Variants in ERVMER34-1 observed in about 807,000 individuals in gnomAD.
ERVMER34-1 encodes endogenous retroviral envelope protein HEMO.
For synonymous variants in ERVMER34-1, 199 were observed against 111.7 expected, an observed-to-expected ratio of 1.78 and a Z score of -4.93; for missense variants, 471 against 295.1, an observed-to-expected ratio of 1.60 and a Z score of -4.37.
intron 2 of ERVMER34-1, among the ~76,000 whole-genome samples, chr4:52,746,449 A>G (rs1038023327): frequency 9.9e-5 from 15 of 152,248 alleles, no homozygotes; most frequent in Admixed American, 2.6e-4. Context: ...AGGATTGAGT[A>G]TAGTAGGGGG....
rs1716072714 is a variant in ERVMER34-1 at position 52,743,861 on chromosome 4, T to C, written c.1660A>G (p.Thr554Ala). The change falls in exon 3 of 3, where the codon ACA (threonine) becomes GCA (alanine). Residue 554 changes from threonine (T) to alanine (A), a missense_variant. Transcript: ENST00000443173. ...QVSNRAMKGLTTHQYDTSLL is the reference protein window; with the variant it reads ...QVSNRAMKGLATHQYDTSLL Reference sequence around the variant, plus strand: ...AGACTTGTGTCATATTGATGGGTTGTTAGTCCCTTCATTGCCCTATTTGAA... The same window carrying C: ...AGACTTGTGTCATATTGATGGGTTGCTAGTCCCTTCATTGCCCTATTTGAA... The C allele has an allele frequency of 6.6e-7, 1 of 1,520,582 alleles. No individual in the cohort carries two copies. 94.2% of individuals were successfully genotyped at this position (1,520,582 alleles called of 1,614,324 possible). A position where few individuals can be genotyped will look rare whatever the true frequency, so the allele number is the denominator to read the frequency against.
chr4:52,747,177 C>A (rs1316728620), intron 2 of ERVMER34-1, among the ~76,000 whole-genome samples: 1 of 151,898 alleles, frequency 6.6e-6, no homozygotes, highest in Non-Finnish European at 1.5e-5. Context: ...TCCAGTGACC[C>A]AAGATCACGC....
rs1312438931 is a variant in ERVMER34-1 at position 52,744,672 on chromosome 4, G to A, written c.849C>T (p.Leu283=). 7.1e-6 allele frequency: 5 copies of A among 704,138 alleles called. No individual in the cohort carries two copies. The highest frequency in any genetic ancestry group is 1.7e-5 in the African/African-American group (1 of 57,382). 43.6% of individuals were successfully genotyped at this position (704,138 alleles called of 1,614,324 possible). ...CAGACAAGGTCAGATTGGAACCTGT[G>A]AGCCACCAGGTGGGGGTCCGGTGTC... ...HDGHRTPTWW[L]TGSNLTLSVN... Residue 283 remains leucine (L), a synonymous_variant, in exon 3 of 3, where the codon CTC becomes CTT. Transcript: ENST00000443173.
At position 52,743,794 on chromosome 4, in the gene ERVMER34-1, C is replaced by T; in HGVS notation, c.*35G>A. Reference sequence around the variant, plus strand: ...TTTACTCATCAAAGTTTAGCTAAGGCTTTTTGTCTGCAGCTGCTGTTTGTT... The same window carrying T: ...TTTACTCATCAAAGTTTAGCTAAGGTTTTTTGTCTGCAGCTGCTGTTTGTT... On this transcript the variant is annotated 3_prime_UTR_variant, in exon 3 of 3. Transcript: ENST00000443173. The T allele has an allele frequency of 6.9e-7, 1 of 1,449,140 alleles. No homozygotes were observed. The highest frequency in any genetic ancestry group is 9.0e-7 in the Non-Finnish European group (1 of 1,106,922). 89.8% of individuals were successfully genotyped at this position (1,449,140 alleles called of 1,614,324 possible). A position where few individuals can be genotyped will look rare whatever the true frequency, so the allele number is the denominator to read the frequency against.
At chr4:52,746,247 T>C (rs1430779915) in intron 2 of ERVMER34-1, among the ~76,000 whole-genome samples, 2 of 152,188 alleles carry the variant, frequency 1.3e-5, no homozygotes, top group African/African-American at 4.8e-5. Context: ...CTGGAACCCC[T>C]GGCCTCAACT....
rs1577732795 is a variant in ERVMER34-1, at chr4:52,744,406, A to C, written c.1115T>G (p.Ile372Arg). The change falls in exon 3 of 3, where the codon ATA (isoleucine) becomes AGA (arginine). Residue 372 changes from isoleucine to arginine, a missense_variant. Physicochemically the swap from Ile to Arg is moderately conservative, Grantham distance 97. Coordinates refer to ENST00000443173, the MANE Select transcript of ERVMER34-1 (RefSeq NM_001242690.2). ...TCCCAAACTTGGAAAAAGGGCCCTT[A>C]TTGTTGAATTGTCCTTGGGGTTGCA... ...LYCNPKDNST[I>R]RALFPSLGTY... 7 of 703,938 alleles carry C rather than the reference A, an allele frequency of 9.9e-6. No homozygotes were observed. The East Asian group carries it at 1.9e-4, about 19-fold the overall frequency. The allele number at this position is 703,938 out of a possible 1,614,324, so 43.6% of individuals were successfully genotyped here. A position where few individuals can be genotyped will look rare whatever the true frequency, so the allele number is the denominator to read the frequency against.
intron 2 of ERVMER34-1, among the ~76,000 whole-genome samples, chr4:52,749,329 TA>T (rs544446617): frequency 9.0e-4 from 137 of 152,306 alleles, no homozygotes; most frequent in African/African-American, 3.1e-3. Flanking sequence ...TACAGTTCCA[TA>T]AAAGAGTGCC....
chr4:52,749,664 G>A (rs551196969), intron 2 of ERVMER34-1, among the ~76,000 whole-genome samples: 11 of 152,154 alleles, frequency 7.2e-5, no homozygotes, highest in African/African-American at 2.2e-4. Flanking sequence ...ATTAGCCAGC[G>A]TGGTGGCTTG....
rs182364054 is a variant in ERVMER34-1 at position 52,745,503 on chromosome 4, G to C, written c.18C>G (p.Asn6Lys). ...TAAGGGTTAGTTGAAGCAGGGCATA[G>C]TTTGAAAGGGAGCCCATAGTGGAGG... MGSLS[N>K]YALLQLTLTA... The change falls in exon 3 of 3, where the codon AAC becomes AAG. Residue 6 changes from asparagine (N) to lysine (K), a missense_variant. Coordinates refer to ENST00000443173, the MANE Select transcript of ERVMER34-1 (RefSeq NM_001242690.2). 2.8e-6 allele frequency: 2 copies of C among 703,818 alleles called. No individual in the cohort carries two copies. Among genetic ancestry groups the C allele is most frequent in the African/African-American group, 3.5e-5 (2 of 57,242 alleles). 43.6% of individuals were successfully genotyped at this position (703,818 alleles called of 1,614,324 possible).
Position 52,744,711 on chromosome 4 carries a change from GT to G in ERVMER34-1, c.809del (p.Asp270AlafsTer19), listed in dbSNP as rs1716104049. ...WRCADASITN[D>X]KGHDGHRTPT... is the part of the protein sequence containing the mutation. ...GGGTCCGGTGTCCATCATGACCTTT[GT>G]CATTAGTTATGCTGGCATCTGCACA... On this transcript the variant is annotated frameshift_variant, in exon 3 of 3. Transcript: ENST00000443173. LOFTEE classifies it low-confidence loss of function (END_TRUNC). The G allele has an allele frequency of 1.7e-5, 12 of 704,138 alleles. No homozygotes were observed. The East Asian group carries it at 3.2e-4, about 19-fold the overall frequency. The allele number at this position is 704,138 out of a possible 1,614,324, so 43.6% of individuals were successfully genotyped here.
In ERVMER34-1 at chr4:52,745,430, C is replaced by G; in HGVS notation, c.91G>C (p.Val31Leu). 1.4e-6 allele frequency: 1 copy of G among 704,042 alleles called. No individual in the cohort carries two copies. The highest frequency in any genetic ancestry group is 2.6e-6 in the Non-Finnish European group (1 of 385,004). The allele number at this position is 704,042 out of a possible 1,614,324, so 43.6% of individuals were successfully genotyped here. ...LVQPQHLLAPVFRTLSILTNQ... is the reference protein window; with the variant it reads ...LVQPQHLLAPLFRTLSILTNQ... ...GTCAAGATAGATAGTGTCCGGAAAACTGGAGCAAGCAGGTGCTGAGGTTGT... is the reference window on the plus strand; with the variant it reads ...GTCAAGATAGATAGTGTCCGGAAAAGTGGAGCAAGCAGGTGCTGAGGTTGT... Residue 31 changes from valine to leucine, a missense_variant, in exon 3 of 3, where the codon GTT becomes CTT. Physicochemically the swap from Val to Leu is conservative, Grantham distance 32. Transcript: ENST00000443173.
Position 52,745,718 on chromosome 4 carries a change from G to C in ERVMER34-1, c.-198C>G. 1 of 578,582 alleles carries C rather than the reference G, an allele frequency of 1.7e-6. No homozygotes were observed. Among genetic ancestry groups the C allele is most frequent in the Non-Finnish European group, 3.1e-6 (1 of 325,608 alleles). 35.8% of individuals were successfully genotyped at this position (578,582 alleles called of 1,614,324 possible). A position where few individuals can be genotyped will look rare whatever the true frequency, so the allele number is the denominator to read the frequency against. ...GCTGTCTACTTCATCTGCTCATGGA[G>C]CCTGTGAGTAGGTGCCAAAATTCCT... is the stretch of plus-strand genomic sequence containing the variant. On this transcript the variant is annotated 5_prime_UTR_variant, in exon 3 of 3. Transcript: ENST00000443173.
chr4:52,749,479 G>T (rs141078886), intron 2 of ERVMER34-1, among the ~76,000 whole-genome samples: 1 of 149,384 alleles, frequency 6.7e-6, no homozygotes, highest in Non-Finnish European at 1.5e-5. Flanking sequence ...ACCACAAGAA[G>T]ACCTCTTAAG....
In ERVMER34-1 at chr4:52,744,131, C is replaced by G. The variant is rs912532296; in HGVS notation, c.1390G>C (p.Ala464Pro). 1.4e-6 allele frequency: 1 copy of G among 704,022 alleles called. No homozygotes were observed. Among genetic ancestry groups the G allele is most frequent in the Non-Finnish European group, 2.6e-6 (1 of 385,020 alleles). 43.6% of individuals were successfully genotyped at this position (704,022 alleles called of 1,614,324 possible). Residue 464 changes from alanine (A) to proline (P), a missense_variant, in exon 3 of 3, where the codon GCA (alanine) becomes CCA (proline). By Grantham distance (27) the Ala-to-Pro change is conservative. Transcript: ENST00000443173. ...IKSNIQRLHE[A>P]SENLKNVPLL... is the part of the protein sequence containing the mutation. ...GGTACATTCTTCAGGTTCTCGGATGCTTCGTGGAGACGCTGTATATTAGAC... is the reference window on the plus strand; with the variant it reads ...GGTACATTCTTCAGGTTCTCGGATGGTTCGTGGAGACGCTGTATATTAGAC...
At position 52,745,364 on chromosome 4, in the gene ERVMER34-1, C is replaced by T. The variant is rs553287787; in HGVS notation, c.157G>A (p.Ala53Thr). 6 of 704,070 alleles carry T rather than the reference C, an allele frequency of 8.5e-6. No homozygotes were observed. Among genetic ancestry groups the T allele is most frequent in the East Asian group, 8.1e-5 (3 of 37,264 alleles). The allele number at this position is 704,070 out of a possible 1,614,324, so 43.6% of individuals were successfully genotyped here. ...NCWLCEHLDN[A>T]EQPELVFVPA... ...ACAAAAACTAGTTCGGGTTGTTCTG[C>T]ATTATCTAGATGTTCACATAACCAG... The change falls in exon 3 of 3, where the codon GCA becomes ACA. Residue 53 changes from alanine (A) to threonine (T), a missense_variant. Ala to Thr is a moderately conservative substitution (Grantham distance 58, BLOSUM62 0). Transcript: ENST00000443173.
In ERVMER34-1 at chr4:52,745,650, T is replaced by C. The variant is rs1716134793; in HGVS notation, c.-130A>G. ...TGAGGAGGGAAGATGTTTCAGCTAGTTGGAGATGGAGATGAAGTTCTTGGT... is the reference window on the plus strand; with the variant it reads ...TGAGGAGGGAAGATGTTTCAGCTAGCTGGAGATGGAGATGAAGTTCTTGGT... On this transcript the variant is annotated 5_prime_UTR_variant, in exon 3 of 3. Transcript: ENST00000443173. 1 of 614,220 alleles carries C rather than the reference T, an allele frequency of 1.6e-6. No individual in the cohort carries two copies. Among genetic ancestry groups the C allele is most frequent in the Admixed American group, 2.8e-5 (1 of 36,002 alleles). The allele number at this position is 614,220 out of a possible 1,614,324, so 38.0% of individuals were successfully genotyped here. A position where few individuals can be genotyped will look rare whatever the true frequency, so the allele number is the denominator to read the frequency against.
chr4:52,747,547 G>A (rs1046918116), intron 2 of ERVMER34-1, among the ~76,000 whole-genome samples: 16 of 152,132 alleles, frequency 1.1e-4, no homozygotes, highest in African/African-American at 3.9e-4. Flanking sequence ...CTTTCCCATG[G>A]AGGTTAACAT....
rs1417250248 is a variant in ERVMER34-1 at position 52,745,467 on chromosome 4, C to T, written c.54G>A (p.Leu18=). ...ALLQLTLTAF[L]TILVQPQHLL... ...GGTGCTGAGGTTGTACTAGAATTGT[C>T]AAAAAAGCAGTAAGGGTTAGTTGAA... Residue 18 remains leucine (L), a synonymous_variant, in exon 3 of 3, where the codon TTG becomes TTA. Transcript: ENST00000443173. 2.8e-6 allele frequency: 2 copies of T among 703,452 alleles called. No individual in the cohort carries two copies. 43.6% of individuals were successfully genotyped at this position (703,452 alleles called of 1,614,324 possible).
chr4:52,745,004 C>T lies in ERVMER34-1; in HGVS notation c.517G>A (p.Asp173Asn), dbSNP rs1413526057. Reference protein sequence around the residue: ...DVTNESRNDDDDTSVCLGTRQ... With the variant: ...DVTNESRNDDNDTSVCLGTRQ... The stretch of plus-strand genomic sequence containing the variant: ...GTGCCTAGGCAAACACTTGTATCAT[C>T]ATCATCGTTCCTGGATTCATTTGTA... The change falls in exon 3 of 3, where the codon GAT (aspartate) becomes AAT (asparagine). Residue 173 changes from aspartate (D) to asparagine (N), a missense_variant. By Grantham distance (23) the Asp-to-Asn change is conservative. Coordinates refer to ENST00000443173, the MANE Select transcript of ERVMER34-1 (RefSeq NM_001242690.2). 5 of 704,064 alleles carry T rather than the reference C, an allele frequency of 7.1e-6. No individual in the cohort carries two copies. Among genetic ancestry groups the T allele is most frequent in the Non-Finnish European group, 1.3e-5 (5 of 385,028 alleles). 43.6% of individuals were successfully genotyped at this position (704,064 alleles called of 1,614,324 possible).
Sources: allele counts gnomAD v4.1 joint callset (sites outside exome capture counted in the v4.1 genomes callset), GRCh38; gene constraint gnomAD v4.1.1; transcripts MANE v1.5; gene names NCBI Gene and HGNC (gene_info 2026-07-23, HGNC 2026-07-21).